The following CCDC141 variants were observed in gnomAD, a reference collection of about 807,000 sequenced individuals.
CCDC141 encodes the protein coiled-coil domain containing 141.
A neutral mutation model predicts 181.0 loss-of-function variants in CCDC141; 168 were observed. That is an observed-to-expected ratio of 0.93 (90% confidence interval 0.82 to 1.05). The LOEUF (loss-of-function observed/expected upper bound fraction) is 1.05. CCDC141 is among the 50% of genes least tolerant of loss of function. CCDC141 has a pLI of 0.00. For missense variants in CCDC141, 1,902 were observed against 1,788.5 expected, an observed-to-expected ratio of 1.06 and a Z score of -1.14; for synonymous variants, 666 against 642.3, an observed-to-expected ratio of 1.04 and a Z score of -0.56.
At chr2:178,868,285 T>C in intron 15 of CCDC141, 80 bp from the exon 16 acceptor site, 2 of 1,218,420 alleles carry the variant, frequency 1.6e-6, no homozygotes, top group Non-Finnish European at 2.3e-6. Flanking sequence ...CTATAGCACA[T>C]TTTGCTAGCT....
intron 14 of CCDC141, among the ~76,000 whole-genome samples, chr2:178,869,986 C>T (rs1366847662): frequency 6.6e-6 from 1 of 152,080 alleles, no homozygotes; most frequent in Non-Finnish European, 1.5e-5. Context: ...AATCCCAGCA[C>T]TTTGGGAGGC....
the CCDC141 span, among the ~76,000 whole-genome samples, chr2:178,815,576 T>C: frequency 1.3e-5 from 2 of 152,192 alleles, no homozygotes; most frequent in Non-Finnish European, 2.9e-5. Flanking sequence ...CGTCCTTCAG[T>C]ATCCTTGTGG....
downstream of CCDC141, among the ~76,000 whole-genome samples, chr2:178,826,447 G>C (rs545765491): frequency 6.6e-6 from 1 of 152,228 alleles, no homozygotes; most frequent in Admixed American, 6.5e-5. Context: ...AAGAGAATAA[G>C]TTTAAAAAGA....
intron 9 of CCDC141, among the ~76,000 whole-genome samples, chr2:178,888,258 G>T (rs978527685): frequency 6.6e-6 from 1 of 152,124 alleles, no homozygotes; most frequent in Non-Finnish European, 1.5e-5. Context: ...ATCTGTACTT[G>T]GTTCAGTTAA....
At chr2:178,968,374 C>G (rs1690729793) in intron 4 of CCDC141, among the ~76,000 whole-genome samples, 1 of 152,086 alleles carries the variant, frequency 6.6e-6, no homozygotes, top group South Asian at 2.1e-4. Flanking sequence ...GAACGGAAAT[C>G]ATAACAGACA....
chr2:179,002,648 T>C (rs539558341), intron 2 of CCDC141: 4 of 169,810 alleles, frequency 2.4e-5, no homozygotes, highest in East Asian at 1.8e-4. Context: ...CAGTATACTA[T>C]AGAACATGCT....
At chr2:178,822,264 G>C in the CCDC141 span, among the ~76,000 whole-genome samples, 3 of 151,862 alleles carry the variant, frequency 2.0e-5, no homozygotes, top group Non-Finnish European at 4.4e-5. Context: ...TTGTGGGGTG[G>C]GGGGAGTGGG....
intron 4 of CCDC141, among the ~76,000 whole-genome samples, chr2:178,962,831 T>C (rs1426109785): frequency 6.6e-6 from 1 of 152,152 alleles, no homozygotes; most frequent in African/African-American, 2.4e-5. Context: ...TTCATTCTTA[T>C]CTTCTTTAAA....
chr2:178,960,235 A>G (rs993642173), intron 5 of CCDC141, among the ~76,000 whole-genome samples: 1 of 152,212 alleles, frequency 6.6e-6, no homozygotes, highest in Non-Finnish European at 1.5e-5. Context: ...GTGGTCTAGC[A>G]TATCCCCAGC....
chr2:178,972,759 G>A (rs528440929), intron 4 of CCDC141, among the ~76,000 whole-genome samples: 1 of 152,316 alleles, frequency 6.6e-6, no homozygotes, highest in East Asian at 1.9e-4. Flanking sequence ...TCTCTTTCAA[G>A]GATTGTTATG....
At chr2:179,012,557 C>G (rs1008659677) in intron 2 of CCDC141, among the ~76,000 whole-genome samples, 1 of 152,008 alleles carries the variant, frequency 6.6e-6, no homozygotes, top group Middle Eastern at 3.2e-3. Flanking sequence ...AGAATTGGTA[C>G]CAATCCTTTT....
In CCDC141 at chr2:178,872,180, T is replaced by A; in HGVS notation, c.2032A>T (p.Lys678Ter). ...LAWQLKATES[K>*]PGKQQWAAFK... ...GCCGCCCACTGCTGTTTTCCAGGCTTGCTTTCCGTGGCTTTAAGCTGCCAT... is the reference window on the plus strand; with the variant it reads ...GCCGCCCACTGCTGTTTTCCAGGCTAGCTTTCCGTGGCTTTAAGCTGCCAT... Residue 678 changes from lysine (K) to a stop codon, truncating the protein, a stop_gained, in exon 13 of 24, where the codon AAG (lysine) becomes TAG (stop). Transcript: ENST00000443758. LOFTEE classifies it high-confidence loss of function. The A allele has an allele frequency of 6.2e-7, 1 of 1,614,066 alleles. No homozygotes were observed. The highest frequency in any genetic ancestry group is 8.5e-7 in the Non-Finnish European group (1 of 1,179,972).
At chr2:178,974,014 A>T (rs1691014492) in intron 4 of CCDC141, among the ~76,000 whole-genome samples, 2 of 152,204 alleles carry the variant, frequency 1.3e-5, no homozygotes, top group Admixed American at 6.5e-5. Context: ...ATCAGTGGAA[A>T]TTATATATAT....
chr2:178,963,702 T>C (rs1161682760), intron 4 of CCDC141, among the ~76,000 whole-genome samples: 1 of 151,220 alleles, frequency 6.6e-6, no homozygotes, highest in Non-Finnish European at 1.5e-5. Flanking sequence ...AATGAGATAA[T>C]ATATTGTAAA....
Position 178,833,759 on chromosome 2 carries a change from C to CA in CCDC141, c.*413_*414insT, listed in dbSNP as rs1684355872. 1 of 162,272 alleles carries CA rather than the reference C, an allele frequency of 6.2e-6. No individual in the cohort carries two copies. Among genetic ancestry groups the CA allele is most frequent in the African/African-American group, 2.4e-5 (1 of 41,584 alleles). 10.1% of individuals were successfully genotyped at this position (162,272 alleles called of 1,614,324 possible). On this transcript the variant is annotated 3_prime_UTR_variant, in exon 24 of 24. Transcript: ENST00000443758. ...ATACAACATCAATTCAATAGTTCTA[C>CA]TGATATTCCCTACAAAGGGATGTTT... is the stretch of plus-strand genomic sequence containing the variant.
At chr2:178,893,845 AC>A (rs1290589641) in intron 8 of CCDC141, among the ~76,000 whole-genome samples, 25 of 151,880 alleles carry the variant, frequency 1.6e-4, no homozygotes, top group African/African-American at 6.0e-4. Flanking sequence ...ACACACACAC[AC>A]ACAATGTTTT....
At chr2:178,835,722 G>A (rs1391255352) in intron 23 of CCDC141, 4 of 152,246 alleles carry the variant, frequency 2.6e-5, no homozygotes, top group Admixed American at 1.3e-4. Context: ...AATATTTACT[G>A]TGTGGACAAA....
At chr2:178,843,601 G>GA (rs1200356572) in intron 22 of CCDC141, among the ~76,000 whole-genome samples, 9 of 151,918 alleles carry the variant, frequency 5.9e-5, no homozygotes, top group East Asian at 1.9e-4. Flanking sequence ...CTATCTCCAG[G>GA]AAAAAAAATC....
intron 23 of CCDC141, among the ~76,000 whole-genome samples, chr2:178,834,783 T>C (rs1684409589): frequency 1.3e-5 from 2 of 151,472 alleles, no homozygotes; most frequent in South Asian, 4.2e-4. Flanking sequence ...TCTCGCTATG[T>C]TACCCAGGCT....
Sources: allele counts gnomAD v4.1 joint callset (sites outside exome capture counted in the v4.1 genomes callset), GRCh38; gene constraint gnomAD v4.1.1; transcripts MANE v1.5; gene names NCBI Gene and HGNC (gene_info 2026-07-23, HGNC 2026-07-21).